The following RABGAP1L variants were observed in gnomAD, a reference collection of about 807,000 sequenced individuals.
RABGAP1L encodes the protein RAB GTPase activating protein 1 like.
Under a neutral mutation model 137.7 loss-of-function variants are expected in RABGAP1L, and 63 were observed. The ratio of observed to expected loss-of-function variants is 0.46; its 90% CI spans 0.37 to 0.56. The LOEUF (loss-of-function observed/expected upper bound fraction) is 0.56, where lower values mean the gene tolerates loss of function less well. Among genes scored for constraint, RABGAP1L ranks in the 20% least tolerant of loss-of-function variants. RABGAP1L has a pLI of 0.00. For synonymous variants in RABGAP1L, 431 were observed against 433.7 expected, an observed-to-expected ratio of 0.99 and a Z score of 0.08; for missense variants, 1,095 against 1,244.0, an observed-to-expected ratio of 0.88 and a Z score of 1.80.
chr1:174,795,354 G>C (rs1335607153), intron 18 of RABGAP1L, among the ~76,000 whole-genome samples: 1 of 152,086 alleles, frequency 6.6e-6, no homozygotes, highest in Non-Finnish European at 1.5e-5. Flanking sequence ...TACCAGCAAA[G>C]GGATAGCAAC....
chr1:174,531,793 G>A (rs567077436), intron 13 of RABGAP1L, among the ~76,000 whole-genome samples: 8 of 151,846 alleles, frequency 5.3e-5, no homozygotes, highest in South Asian at 4.2e-4. Flanking sequence ...GAGTAATTGT[G>A]GAACCCTAGG....
chr1:174,768,430 T>C (rs1685850260), intron 18 of RABGAP1L, among the ~76,000 whole-genome samples: 1 of 152,198 alleles, frequency 6.6e-6, no homozygotes, highest in Non-Finnish European at 1.5e-5. Context: ...GGCTCAAGCA[T>C]GCCCACCAGG....
At chr1:174,177,583 A>G (rs1665992562) in intron 1 of RABGAP1L, among the ~76,000 whole-genome samples, 1 of 152,158 alleles carries the variant, frequency 6.6e-6, no homozygotes, top group Non-Finnish European at 1.5e-5. Context: ...GGCATTGCCT[A>G]GGTTTTTTCC....
At position 174,401,059 on chromosome 1, in the gene RABGAP1L, A is replaced by G. The variant is rs768702676; in HGVS notation, c.1710+6914A>G. ...AGCTGTAGACCAACTGATAACCTCA[A>G]TCTGGAACCAAGGACCAAGCAGGAC... On this transcript the variant is annotated intron_variant, in intron 13 of 25. Coordinates refer to ENST00000681986, the MANE Select transcript of RABGAP1L (RefSeq NM_001366446.1). Among the ~76,000 whole-genome samples, 3 of 152,106 alleles carry G rather than the reference A, an allele frequency of 2.0e-5. 1 individual carries two copies. Among genetic ancestry groups the G allele is most frequent in the Admixed American group, 6.6e-5 (1 of 15,238 alleles).
intron 18 of RABGAP1L, among the ~76,000 whole-genome samples, chr1:174,790,495 C>G (rs1687767883): frequency 6.6e-6 from 1 of 151,542 alleles, no homozygotes; most frequent in Non-Finnish European, 1.5e-5. Flanking sequence ...TGATGGCTGG[C>G]TATTTTTGAA....
intron 19 of RABGAP1L, among the ~76,000 whole-genome samples, chr1:174,950,926 T>C (rs1239490113): frequency 6.6e-6 from 1 of 152,208 alleles, no homozygotes; most frequent in Non-Finnish European, 1.5e-5. Context: ...ATTAATATTT[T>C]TGTATCTTTC....
intron 11 of RABGAP1L, among the ~76,000 whole-genome samples, chr1:174,326,754 A>G (rs1680471698): frequency 6.6e-6 from 1 of 152,222 alleles, no homozygotes; most frequent in Admixed American, 6.5e-5. Flanking sequence ...ACTATAAGAT[A>G]TATTAGAAAC....
chr1:174,886,709 A>G (rs1655210039), intron 19 of RABGAP1L, among the ~76,000 whole-genome samples: 1 of 152,248 alleles, frequency 6.6e-6, no homozygotes, highest in Admixed American at 6.5e-5. Flanking sequence ...TAAGAGGGGC[A>G]GTAAATTAAT....
intron 11 of RABGAP1L, among the ~76,000 whole-genome samples, chr1:174,324,423 G>T (rs567431266): frequency 3.5e-4 from 53 of 152,246 alleles, no homozygotes; most frequent in Admixed American, 1.5e-3. Context: ...GAAACACAGG[G>T]GGGAGGAAGT....
chr1:174,974,512 T>C (rs1360181041), intron 21 of RABGAP1L, among the ~76,000 whole-genome samples: 4 of 152,252 alleles, frequency 2.6e-5, no homozygotes. Flanking sequence ...TTACAACTTA[T>C]GAAAACTTGA....
At chr1:174,504,301 A>G (rs554248960) in intron 13 of RABGAP1L, among the ~76,000 whole-genome samples, 2 of 152,146 alleles carry the variant, frequency 1.3e-5, no homozygotes, top group South Asian at 2.1e-4. Context: ...CAAAATTCCA[A>G]TAACTTTTTT....
intron 19 of RABGAP1L, among the ~76,000 whole-genome samples, chr1:174,934,412 T>C (rs1416967650): frequency 6.6e-6 from 1 of 152,082 alleles, no homozygotes; most frequent in Non-Finnish European, 1.5e-5. Context: ...TTTACTTATT[T>C]TAAGCTCACA....
At chr1:174,645,888 A>G (rs1180501659) in intron 14 of RABGAP1L, among the ~76,000 whole-genome samples, 2 of 152,022 alleles carry the variant, frequency 1.3e-5, no homozygotes, top group African/African-American at 4.8e-5. Flanking sequence ...TGACTTTTTA[A>G]TGATCGCCAT....
intron 11 of RABGAP1L, among the ~76,000 whole-genome samples, chr1:174,369,622 A>G (rs973359730): frequency 2.0e-5 from 3 of 152,200 alleles, no homozygotes; most frequent in African/African-American, 7.2e-5. Context: ...AGTTGTTTCT[A>G]TTTATATCAT....
At chr1:174,392,885 G>A (rs1485891468) in intron 12 of RABGAP1L, among the ~76,000 whole-genome samples, 4 of 152,116 alleles carry the variant, frequency 2.6e-5, no homozygotes, top group African/African-American at 4.8e-5. Context: ...AGTCCCAGTG[G>A]TTGCACCAGA....
intron 18 of RABGAP1L, among the ~76,000 whole-genome samples, chr1:174,809,513 G>A (rs1302454534): frequency 1.3e-5 from 2 of 152,124 alleles, no homozygotes; most frequent in South Asian, 2.1e-4. Context: ...TTGAAATTAG[G>A]CCTTGGCAAT....
chr1:174,573,326 G>A (rs181926756), intron 13 of RABGAP1L, among the ~76,000 whole-genome samples: 2 of 151,414 alleles, frequency 1.3e-5, no homozygotes, highest in South Asian at 2.1e-4. Context: ...GTGTGTGTGT[G>A]TATATATATA....
chr1:174,251,422 G>A (rs1672708400), intron 6 of RABGAP1L, among the ~76,000 whole-genome samples: 1 of 151,816 alleles, frequency 6.6e-6, no homozygotes. Flanking sequence ...CAGTTAATAG[G>A]AAACAGTTAT....
Position 174,676,285 on chromosome 1 carries a change from C to G in RABGAP1L, c.1825-7237C>G, listed in dbSNP as rs539157435. On this transcript the variant is annotated intron_variant, in intron 14 of 25. Transcript: ENST00000681986. ...CTGAGTGTAGTTGATGAAGATGGCC[C>G]TTTTAAATATTAGGGAATTCATACT... Among the ~76,000 whole-genome samples the G allele has an allele frequency of 9.5e-4, 145 of 151,950 alleles. 1 individual carries two copies. The highest frequency in any genetic ancestry group is 3.3e-3 in the African/African-American group (137 of 41,442).
Sources: allele counts gnomAD v4.1 joint callset (sites outside exome capture counted in the v4.1 genomes callset), GRCh38; gene constraint gnomAD v4.1.1; transcripts MANE v1.5; gene names NCBI Gene and HGNC (gene_info 2026-07-23, HGNC 2026-07-21).